SLC35F1: variants seen among roughly 807,000 people sequenced by gnomAD.
SLC35F1 encodes the protein chromosome 6 open reading frame 169.
A neutral mutation model predicts 48.7 loss-of-function variants in SLC35F1; 14 were observed. That is an observed-to-expected ratio of 0.29 (90% CI 0.19 to 0.45). SLC35F1 has a LOEUF of 0.45. Among genes scored for constraint, SLC35F1 ranks in the 20% least tolerant of loss-of-function variants. The pLI, the probability that SLC35F1 is intolerant of heterozygous loss-of-function variation, is 1.00. For synonymous variants in SLC35F1, 190 were observed against 202.2 expected (o/e 0.94, Z 0.51); for missense variants, 404 against 500.0 (o/e 0.81, Z 1.83).
At chr6:117,979,555 C>T (rs915751655) in intron 1 of SLC35F1, among the ~76,000 whole-genome samples, 12 of 152,216 alleles carry the variant, frequency 7.9e-5, no homozygotes, top group African/African-American at 2.9e-4. Flanking sequence ...ACAGCTTGCT[C>T]TCTAGTAATC....
intron 1 of SLC35F1, among the ~76,000 whole-genome samples, chr6:118,089,775 A>AT (rs747333808): frequency 5.3e-5 from 8 of 152,152 alleles, no homozygotes; most frequent in Non-Finnish European, 8.8e-5. Flanking sequence ...ACATTTGTGG[A>AT]TGACAGGGCT....
At chr6:118,175,320 C>T (rs1774472053) in intron 2 of SLC35F1, among the ~76,000 whole-genome samples, 1 of 152,056 alleles carries the variant, frequency 6.6e-6, no homozygotes, top group Admixed American at 6.6e-5. Flanking sequence ...TGTGAAAAGT[C>T]GTGGTGAGAA....
chr6:118,007,284 C>T (rs1006618131), intron 1 of SLC35F1, among the ~76,000 whole-genome samples: 2 of 152,174 alleles, frequency 1.3e-5, no homozygotes, highest in African/African-American at 4.8e-5. Context: ...ATCCGCTATT[C>T]ATGACCCAGT....
chr6:118,055,194 G>T (rs907633091), intron 1 of SLC35F1, among the ~76,000 whole-genome samples: 15 of 152,112 alleles, frequency 9.9e-5, no homozygotes, highest in Non-Finnish European at 1.8e-4. Context: ...TTTATTTGTT[G>T]TTAGATTCTA....
intron 1 of SLC35F1, among the ~76,000 whole-genome samples, chr6:118,136,051 T>C (rs985163313): frequency 3.0e-4 from 46 of 152,222 alleles, no homozygotes; most frequent in Non-Finnish European, 4.4e-5. Context: ...TAGGGTTTGA[T>C]GCAGTCAACC....
chr6:118,037,682 T>C (rs1368974463), intron 1 of SLC35F1, among the ~76,000 whole-genome samples: 3 of 152,126 alleles, frequency 2.0e-5, no homozygotes, highest in Non-Finnish European at 1.5e-5. Context: ...TGGAATACTA[T>C]GCAGCCATAA....
chr6:118,179,871 T>C (rs1358782206), intron 2 of SLC35F1, among the ~76,000 whole-genome samples: 1 of 152,130 alleles, frequency 6.6e-6, no homozygotes, highest in African/African-American at 2.4e-5. Flanking sequence ...CTCGTAGTGT[T>C]CTAGAACCTG....
rs1582707215 is a variant in SLC35F1, at chr6:118,167,624, T to C, written c.349+13004T>C. On this transcript the variant is annotated intron_variant, in intron 2 of 7. Transcript: ENST00000360388. ...AAAGTGTACACCTATATAGAGCAGT[T>C]ACTATGAATGGTGCTTGCAAGGCTG... 5.3e-5 allele frequency among the ~76,000 whole-genome samples: 8 copies of C among 152,310 alleles called. 1 individual carries two copies. The South Asian group carries it at 1.7e-3, about 32-fold the overall frequency.
intron 2 of SLC35F1, among the ~76,000 whole-genome samples, chr6:118,169,688 T>C (rs1436791867): frequency 6.6e-6 from 1 of 152,108 alleles, no homozygotes; most frequent in Non-Finnish European, 1.5e-5. Context: ...ATAATCCCTC[T>C]TTTAAAACAT....
intron 1 of SLC35F1, among the ~76,000 whole-genome samples, chr6:118,054,269 G>A (rs1035097906): frequency 3.3e-5 from 5 of 152,178 alleles, no homozygotes; most frequent in African/African-American, 1.2e-4. Flanking sequence ...TTCAGAGAGA[G>A]GGAGCCCTGG....
intron 1 of SLC35F1, among the ~76,000 whole-genome samples, chr6:117,917,110 C>G (rs549420403): frequency 3.0e-4 from 45 of 152,292 alleles, no homozygotes; most frequent in African/African-American, 1.0e-3. Flanking sequence ...CTCTCTCTCT[C>G]TCTCTGATGA....
chr6:118,221,579 C>T (rs918626940), intron 2 of SLC35F1, among the ~76,000 whole-genome samples: 6 of 152,208 alleles, frequency 3.9e-5, no homozygotes, highest in African/African-American at 1.4e-4. Flanking sequence ...TCTTATGCTC[C>T]AGCCAATGCT....
At chr6:118,160,032 G>A (rs1774207155) in intron 2 of SLC35F1, among the ~76,000 whole-genome samples, 1 of 152,094 alleles carries the variant, frequency 6.6e-6, no homozygotes. Context: ...ATTGCTGGAG[G>A]AGTAAAGGCA....
intron 1 of SLC35F1, among the ~76,000 whole-genome samples, chr6:118,109,585 G>A (rs1227333156): frequency 6.6e-6 from 1 of 151,916 alleles, no homozygotes; most frequent in Admixed American, 6.6e-5. Flanking sequence ...GTATACGAAG[G>A]TTATGTTAGG....
intron 2 of SLC35F1, among the ~76,000 whole-genome samples, chr6:118,214,316 T>C (rs1775044575): frequency 6.6e-6 from 1 of 152,152 alleles, no homozygotes; most frequent in African/African-American, 2.4e-5. Flanking sequence ...TGATATGAAA[T>C]TGTTACAGTT....
At chr6:117,907,986 G>A in intron 1 of SLC35F1, 87 bp downstream of exon 1, 1 of 1,200,814 alleles carries the variant, frequency 8.3e-7, no homozygotes. Context: ...GGCGGCCCAC[G>A]GGTCCTTTGG....
chr6:117,999,885 C>G (rs1466182226), intron 1 of SLC35F1, among the ~76,000 whole-genome samples: 2 of 151,976 alleles, frequency 1.3e-5, no homozygotes, highest in African/African-American at 2.4e-5. Context: ...TATACCCTCC[C>G]AAGACTAAAC....
intron 1 of SLC35F1, among the ~76,000 whole-genome samples, chr6:117,960,498 A>G (rs1361126291): frequency 6.6e-6 from 1 of 152,062 alleles, no homozygotes; most frequent in Non-Finnish European, 1.5e-5. Flanking sequence ...GCAAGTTACT[A>G]TGTATTTCAT....
chr6:118,081,404 G>A (rs556029423), intron 1 of SLC35F1, among the ~76,000 whole-genome samples: 1 of 152,156 alleles, frequency 6.6e-6, no homozygotes, highest in Non-Finnish European at 1.5e-5. Context: ...GCTGAGATGG[G>A]AGGATTGCTT....
Sources: allele counts gnomAD v4.1 joint callset (sites outside exome capture counted in the v4.1 genomes callset), GRCh38; gene constraint gnomAD v4.1.1; transcripts MANE v1.5; gene names NCBI Gene and HGNC (gene_info 2026-07-23, HGNC 2026-07-21).